MGST1: variants seen among roughly 807,000 people sequenced by gnomAD.
MGST1 encodes microsomal glutathione S-transferase 1, also known as glutathione S-transferase 12.
In MGST1, 5 loss-of-function variants were observed where a neutral mutation model predicts 8.9. The ratio of observed to expected loss-of-function variants is 0.56; its 90% CI spans 0.29 to 1.19. The LOEUF (loss-of-function observed/expected upper bound fraction) is 1.19. Ranked by LOEUF, MGST1 falls within the 50% of genes most tolerant of loss-of-function variation. The pLI is 0.08. For missense variants in MGST1, 182 were observed against 187.4 expected (o/e 0.97, Z 0.17); for synonymous variants, 54 against 67.8 (o/e 0.80, Z 1.00).
rs1277188991 is a variant in MGST1 at position 16,584,785 on chromosome 12, G to C, written n.483-4743G>C. 1.3e-5 allele frequency among the ~76,000 whole-genome samples: 2 copies of C among 152,158 alleles called. No homozygotes were observed. Among genetic ancestry groups the C allele is most frequent in the African/African-American group, 4.8e-5 (2 of 41,434 alleles). ...AAGCAGTGCCAAGACTCCTTGTTAG[G>C]CTGAAAGCTCCCAGGAGATTTCTGA... On this transcript the variant is annotated intron_variant and non_coding_transcript_variant, in intron 4 of 4. Transcript: ENST00000538857. This position sits in a 1 kb window ranked among gnomAD's most constrained non-coding sequence, Gnocchi z 5.2.
chr12:16,524,659 G>A (rs867616128), intron 4 of MGST1, among the ~76,000 whole-genome samples: 7 of 152,006 alleles, frequency 4.6e-5, no homozygotes, highest in Non-Finnish European at 2.9e-5. Flanking sequence ...TGGTCACTTT[G>A]TTTGTTCAAC....
chr12:16,364,367 C>T lies in MGST1; in HGVS notation c.*326C>T, dbSNP rs909641108. On this transcript the variant is annotated 3_prime_UTR_variant, in exon 4 of 4. Coordinates refer to ENST00000396210, the MANE Select transcript of MGST1 (RefSeq NM_020300.5). This position sits in a 1 kb window ranked among gnomAD's most constrained non-coding sequence, Gnocchi z 5.7. ...TTGCACGTATGAGAAACCTATATTT[C>T]AATACTGCTGAAACAGACATGAAAT... 4.0e-5 allele frequency: 40 copies of T among 1,008,654 alleles called. No individual in the cohort carries two copies. The highest frequency in any genetic ancestry group is 8.3e-6 in the Non-Finnish European group (7 of 843,072). The allele number at this position is 1,008,654 out of a possible 1,614,324, so 62.5% of individuals were successfully genotyped here.
chr12:16,558,856 A>G (rs1413536508), intron 4 of MGST1, among the ~76,000 whole-genome samples: 1 of 152,204 alleles, frequency 6.6e-6, no homozygotes, highest in Non-Finnish European at 1.5e-5. Flanking sequence ...GACATTTAAT[A>G]TAAATTAATT....
intron 3 of MGST1, chr12:16,376,097 A>C (rs917998591): frequency 1.5e-6 from 2 of 1,292,362 alleles, no homozygotes; most frequent in Non-Finnish European, 2.1e-6. Context: ...GATATTAAAA[A>C]TCTTATTTTT....
At chr12:16,455,420 T>C (rs1941164758) in intron 4 of MGST1, among the ~76,000 whole-genome samples, 1 of 151,740 alleles carries the variant, frequency 6.6e-6, no homozygotes, top group African/African-American at 2.4e-5. Flanking sequence ...GAAGAAGAAA[T>C]GTTATAAGAA....
At chr12:16,520,332 A>G (rs1941640816) in intron 4 of MGST1, among the ~76,000 whole-genome samples, 1 of 152,192 alleles carries the variant, frequency 6.6e-6, no homozygotes, top group South Asian at 2.1e-4. Context: ...AAACACTAAG[A>G]GACAGACTAT....
At chr12:16,352,053 A>G (rs1939491420) in intron 1 of MGST1, among the ~76,000 whole-genome samples, 1 of 152,218 alleles carries the variant, frequency 6.6e-6, no homozygotes, top group South Asian at 2.1e-4. Flanking sequence ...AAGAGAGAGT[A>G]TAGTGTAGTA....
At chr12:16,499,833 A>G (rs925695183) in intron 4 of MGST1, among the ~76,000 whole-genome samples, 5 of 152,212 alleles carry the variant, frequency 3.3e-5, no homozygotes, top group Non-Finnish European at 7.3e-5. Context: ...AACTACGAAC[A>G]CGATAGCACT....
rs144488419 is a variant in MGST1 at position 16,490,656 on chromosome 12, A to G, written n.483-98872A>G. ...TATAATGATATCATTTGATCTTTAT[A>G]CAAACCTATGAAGCTGGTATAACTA... On this transcript the variant is annotated intron_variant and non_coding_transcript_variant, in intron 4 of 4. Transcript: ENST00000538857. 2.6e-4 allele frequency among the ~76,000 whole-genome samples: 39 copies of G among 152,282 alleles called. No homozygotes were observed. The East Asian group carries it at 5.8e-3, about 23-fold the overall frequency.
intron 1 of MGST1, among the ~76,000 whole-genome samples, chr12:16,396,388 C>G (rs1940605286): frequency 6.6e-6 from 1 of 152,086 alleles, no homozygotes; most frequent in African/African-American, 2.4e-5. Context: ...GTCAAAGATG[C>G]CCACTCTCAA....
Position 16,500,548 on chromosome 12 carries a change from C to T in MGST1, n.483-88980C>T, listed in dbSNP as rs1429850169. Among the ~76,000 whole-genome samples, 1 of 152,092 alleles carries T rather than the reference C, an allele frequency of 6.6e-6. No individual in the cohort carries two copies. The highest frequency in any genetic ancestry group is 1.9e-4 in the East Asian group (1 of 5,194). On this transcript the variant is annotated intron_variant and non_coding_transcript_variant, in intron 4 of 4. Coordinates refer to the MGST1 transcript ENST00000538857. This position sits in a 1 kb window ranked among gnomAD's most constrained non-coding sequence, Gnocchi z 4.3. ...ACTTATTTTGTGTGCCAGTCCTGTCCTTTGATGGTGGTGCTTACTCCCCTA... is the reference window on the plus strand; with the variant it reads ...ACTTATTTTGTGTGCCAGTCCTGTCTTTTGATGGTGGTGCTTACTCCCCTA...
chr12:16,409,031 G>T (rs1156456570), intron 1 of MGST1, among the ~76,000 whole-genome samples: 1 of 151,792 alleles, frequency 6.6e-6, no homozygotes, highest in Admixed American at 6.6e-5. Flanking sequence ...TTTTAATTTT[G>T]TCTCTTATTT....
rs1942365152 is a variant in MGST1, at chr12:16,560,566, T to C, written n.483-28962T>C. 2 of 1,578,152 alleles carry C rather than the reference T, an allele frequency of 1.3e-6. No homozygotes were observed. The highest frequency in any genetic ancestry group is 2.3e-5 in the South Asian group (2 of 88,010). On this transcript the variant is annotated intron_variant and non_coding_transcript_variant, in intron 4 of 4. Coordinates refer to the MGST1 transcript ENST00000538857. The surrounding 1 kb of genome is among the most constrained non-coding windows in gnomAD (Gnocchi z 5.0). The stretch of plus-strand genomic sequence containing the variant: ...AGAATAAGAAACATTTTTTTTTTTT[T>C]ACAAACTCTTACAGAGAAATCTGAG...
intron 4 of MGST1, among the ~76,000 whole-genome samples, chr12:16,578,128 C>A (rs1263090039): frequency 6.6e-6 from 1 of 152,100 alleles, no homozygotes; most frequent in African/African-American, 2.4e-5. Flanking sequence ...TCTTGCCAGG[C>A]AACAGAGACT....
chr12:16,511,687 G>A (rs866361084), intron 4 of MGST1, among the ~76,000 whole-genome samples: 20 of 152,218 alleles, frequency 1.3e-4, no homozygotes, highest in Middle Eastern at 3.4e-3. Context: ...ATTAGATCAG[G>A]AAAATGTTCT....
intron 1 of MGST1, chr12:16,400,126 A>G (rs1046706691): frequency 3.3e-6 from 5 of 1,522,076 alleles, no homozygotes; most frequent in Non-Finnish European, 3.6e-6. Flanking sequence ...TTCTCGTTCC[A>G]TCTGCTCAGC....
intron 4 of MGST1, among the ~76,000 whole-genome samples, chr12:16,565,896 G>A (rs144590867): frequency 0.024 from 3,597 of 147,928 alleles, 145 homozygotes; most frequent in African/African-American, 0.085. Context: ...CTGCACTCTC[G>A]TGTTTATTAC....
downstream of MGST1, among the ~76,000 whole-genome samples, chr12:16,440,270 CAT>C (rs1491228734): frequency 3.5e-3 from 537 of 151,318 alleles, 4 homozygotes; most frequent in African/African-American, 0.012. Flanking sequence ...CACACACACA[CAT>C]ACACAGTAAA....
intron 1 of MGST1, among the ~76,000 whole-genome samples, chr12:16,403,233 A>G (rs1435684624): frequency 6.6e-6 from 1 of 152,018 alleles, no homozygotes; most frequent in Non-Finnish European, 1.5e-5. Flanking sequence ...TTTTTATTCA[A>G]CTTTTTTTGA....
Sources: allele counts gnomAD v4.1 joint callset (sites outside exome capture counted in the v4.1 genomes callset), GRCh38; gene constraint gnomAD v4.1.1; non-coding constraint Gnocchi (gnomAD v3.1); transcripts MANE v1.5; gene names NCBI Gene and HGNC (gene_info 2026-07-23, HGNC 2026-07-21).